Variants in PDE4B observed in about 807,000 individuals in gnomAD.
PDE4B encodes phosphodiesterase 4B.
PDE4B carries 20 observed loss-of-function variants against 82.2 expected under a neutral mutation model. The ratio of observed to expected loss-of-function variants is 0.24; its 90% CI spans 0.17 to 0.35. PDE4B has a LOEUF of 0.35. PDE4B is among the 10% of genes least tolerant of loss of function. The pLI is 1.00. For missense variants in PDE4B, 655 were observed against 907.2 expected (o/e 0.72, Z 3.57); for synonymous variants, 320 against 318.9 (o/e 1.00, Z -0.04).
chr1:66,099,483 G>A (rs1002469279), intron 3 of PDE4B, among the ~76,000 whole-genome samples: 1 of 151,996 alleles, frequency 6.6e-6, no homozygotes. Context: ...TGTGTTTTTG[G>A]TAGTTTTGAC....
intron 3 of PDE4B, among the ~76,000 whole-genome samples, chr1:66,067,880 T>G (rs1263404090): frequency 7.2e-6 from 1 of 138,966 alleles, no homozygotes; most frequent in African/African-American, 2.7e-5. Context: ...CACTCATAGG[T>G]GGGAATTGAA....
intron 3 of PDE4B, among the ~76,000 whole-genome samples, chr1:65,995,143 T>C (rs1011542830): frequency 1.3e-5 from 2 of 152,152 alleles, no homozygotes; most frequent in African/African-American, 4.8e-5. Flanking sequence ...ATTAAACTTG[T>C]GAAATAACTT....
intron 3 of PDE4B, among the ~76,000 whole-genome samples, chr1:65,989,292 G>A (rs1651116870): frequency 1.3e-5 from 2 of 152,130 alleles, no homozygotes; most frequent in South Asian, 2.1e-4. Flanking sequence ...CATGAGGCCA[G>A]GAGTTTGAGA....
intron 3 of PDE4B, among the ~76,000 whole-genome samples, chr1:65,969,751 GA>G (rs1399989007): frequency 1.3e-5 from 2 of 152,042 alleles, no homozygotes; most frequent in Non-Finnish European, 2.9e-5. Flanking sequence ...TAAAAAAGAA[GA>G]AAGGTTAGGT....
At chr1:65,912,304 C>T (rs1647101752) in intron 1 of PDE4B, among the ~76,000 whole-genome samples, 1 of 152,044 alleles carries the variant, frequency 6.6e-6, no homozygotes, top group Non-Finnish European at 1.5e-5. Context: ...TATTGAGTAA[C>T]GCTGAGATTT....
At chr1:65,948,341 T>C (rs979783538) in intron 3 of PDE4B, among the ~76,000 whole-genome samples, 1 of 151,846 alleles carries the variant, frequency 6.6e-6, no homozygotes, top group Admixed American at 6.6e-5. Context: ...GCTTATTATG[T>C]ATTAACTTAC....
intron 3 of PDE4B, among the ~76,000 whole-genome samples, chr1:66,024,555 G>A (rs984540280): frequency 2.0e-5 from 3 of 152,108 alleles, no homozygotes; most frequent in African/African-American, 4.8e-5. Context: ...TACACCAACT[G>A]TGTCAATTCA....
intron 3 of PDE4B, among the ~76,000 whole-genome samples, chr1:66,088,661 A>G (rs573693363): frequency 7.3e-4 from 111 of 152,200 alleles, no homozygotes; most frequent in South Asian, 2.7e-3. Context: ...CAATGTCAAT[A>G]CTATTGAATA....
chr1:65,974,466 G>A (rs1406976913), intron 3 of PDE4B, among the ~76,000 whole-genome samples: 1 of 152,158 alleles, frequency 6.6e-6, no homozygotes, highest in Non-Finnish European at 1.5e-5. Context: ...CAATGCTTGG[G>A]TGTTGCCATT....
At chr1:66,112,054 G>T (rs1169659088) in intron 3 of PDE4B, among the ~76,000 whole-genome samples, 1 of 151,976 alleles carries the variant, frequency 6.6e-6, no homozygotes, top group Non-Finnish European at 1.5e-5. Context: ...AAAGAGCAAT[G>T]TATATAAAAA....
intron 3 of PDE4B, among the ~76,000 whole-genome samples, chr1:66,178,210 T>A (rs1251741128): frequency 6.6e-6 from 1 of 152,116 alleles, no homozygotes; most frequent in Non-Finnish European, 1.5e-5. Context: ...ATATTGTTTT[T>A]AAAAACTACT....
At chr1:66,149,830 G>A (rs1211957062) in intron 3 of PDE4B, among the ~76,000 whole-genome samples, 1 of 152,154 alleles carries the variant, frequency 6.6e-6, no homozygotes, top group Non-Finnish European at 1.5e-5. Flanking sequence ...TCCAGTCTGG[G>A]TGACACAGCA....
intron 3 of PDE4B, among the ~76,000 whole-genome samples, chr1:66,007,955 A>C (rs1652243872): frequency 6.6e-6 from 1 of 152,168 alleles, no homozygotes; most frequent in Non-Finnish European, 1.5e-5. Context: ...TATGCTGACA[A>C]GGTCCATAGA....
chr1:65,811,244 G>A (rs1275247356), intron 1 of PDE4B, among the ~76,000 whole-genome samples: 2 of 152,184 alleles, frequency 1.3e-5, no homozygotes, highest in Non-Finnish European at 2.9e-5. Context: ...AGGGTCATAT[G>A]CTGAGAAATA....
chr1:65,910,408 C>T (rs1647076511), intron 1 of PDE4B, among the ~76,000 whole-genome samples: 1 of 152,158 alleles, frequency 6.6e-6, no homozygotes, highest in Non-Finnish European at 1.5e-5. Flanking sequence ...TTTATTGAGA[C>T]TTGCTTGTGT....
intron 7 of PDE4B, among the ~76,000 whole-genome samples, chr1:66,306,140 G>T (rs527735327): frequency 6.6e-6 from 1 of 152,138 alleles, no homozygotes; most frequent in Non-Finnish European, 1.5e-5. Context: ...TAATAAGTCC[G>T]TCTCTGTGGT....
intron 3 of PDE4B, among the ~76,000 whole-genome samples, chr1:66,069,346 C>G (rs534015054): frequency 6.6e-6 from 1 of 152,092 alleles, no homozygotes; most frequent in Non-Finnish European, 1.5e-5. Context: ...AAATACCCTC[C>G]TTGACTTATC....
chr1:66,161,310 T>A (rs1358298013), intron 3 of PDE4B, among the ~76,000 whole-genome samples: 3 of 151,732 alleles, frequency 2.0e-5, no homozygotes, highest in Non-Finnish European at 4.4e-5. Context: ...TCACACACAA[T>A]GGTCTTTTTG....
intron 3 of PDE4B, among the ~76,000 whole-genome samples, chr1:66,100,061 T>C (rs1311171156): frequency 1.3e-5 from 2 of 152,120 alleles, no homozygotes; most frequent in African/African-American, 2.4e-5. Context: ...GACACATATA[T>C]ATGTACATTT....
Sources: allele counts gnomAD v4.1 joint callset (sites outside exome capture counted in the v4.1 genomes callset), GRCh38; gene constraint gnomAD v4.1.1; transcripts MANE v1.5; gene names NCBI Gene and HGNC (gene_info 2026-07-23, HGNC 2026-07-21).